ANO3: variants seen among roughly 807,000 people sequenced by gnomAD.
ANO3 encodes anoctamin-3.
In ANO3, 99 loss-of-function variants were observed where a neutral mutation model predicts 144.8. That is an observed-to-expected ratio of 0.68 (90% CI 0.58 to 0.81). ANO3 has a LOEUF of 0.81. ANO3 is among the 30% of genes least tolerant of loss of function. The pLI is 0.00. For missense variants in ANO3, 905 were observed against 1,202.2 expected (o/e 0.75, Z 3.66); for synonymous variants, 414 against 392.6 (o/e 1.05, Z -0.64).
intron 3 of ANO3, among the ~76,000 whole-genome samples, chr11:26,448,979 A>ATTTTTAT (rs1858814235): frequency 2.0e-5 from 3 of 152,202 alleles, no homozygotes; most frequent in African/African-American, 7.2e-5. Flanking sequence ...GAAAGCTTTA[A>ATTTTTAT]TAAAAGGAAG....
At chr11:26,397,529 T>A (rs1857046317) in intron 1 of ANO3, among the ~76,000 whole-genome samples, 1 of 152,118 alleles carries the variant, frequency 6.6e-6, no homozygotes, top group Non-Finnish European at 1.5e-5. Flanking sequence ...TTTGAAAGAA[T>A]GTCACAATAT....
rs1260568028 is a variant in ANO3 at position 26,371,686 on chromosome 11, A to G, written c.46+39365A>G. Among the ~76,000 whole-genome samples, 25 of 152,236 alleles carry G rather than the reference A, an allele frequency of 1.6e-4. 1 individual carries two copies. The highest frequency in any genetic ancestry group is 1.6e-3 in the Admixed American group (25 of 15,292). On this transcript the variant is annotated intron_variant, in intron 1 of 26. Transcript: ENST00000256737. ...CCTCTTGCATTAGCATGATGTGGAT[A>G]TGAGCCATGGAGTCAAAGGAGACTA...
chr11:26,322,697 T>C (rs1401221982), intron 1 of ANO3, among the ~76,000 whole-genome samples: 2 of 152,130 alleles, frequency 1.3e-5, no homozygotes, highest in Non-Finnish European at 2.9e-5. Flanking sequence ...ATTAGATTTA[T>C]GGCTGTTGAT....
intron 18 of ANO3, among the ~76,000 whole-genome samples, chr11:26,633,272 C>T (rs1277744226): frequency 6.6e-6 from 1 of 152,066 alleles, no homozygotes; most frequent in East Asian, 1.9e-4. Flanking sequence ...CATTATAAAA[C>T]CATAAGATGT....
At chr11:26,483,514 T>C (rs1395752764) in intron 4 of ANO3, among the ~76,000 whole-genome samples, 1 of 152,176 alleles carries the variant, frequency 6.6e-6, no homozygotes, top group Non-Finnish European at 1.5e-5. Flanking sequence ...CTCTTCCTCC[T>C]GCTCTGGCCA....
At chr11:26,377,111 A>G (rs1218274727) in intron 1 of ANO3, among the ~76,000 whole-genome samples, 1 of 152,108 alleles carries the variant, frequency 6.6e-6, no homozygotes, top group Non-Finnish European at 1.5e-5. Context: ...AGAAAACAAA[A>G]ATATCCTGGA....
chr11:26,235,782 C>A (rs1852508391), intron 1 of ANO3, among the ~76,000 whole-genome samples: 1 of 148,498 alleles, frequency 6.7e-6, no homozygotes, highest in Admixed American at 6.8e-5. Flanking sequence ...CCCCCCACAA[C>A]TACCACTCCT....
chr11:26,236,979 T>C (rs1268957491), intron 1 of ANO3, among the ~76,000 whole-genome samples: 2 of 152,126 alleles, frequency 1.3e-5, no homozygotes, highest in African/African-American at 4.8e-5. Context: ...CAGTTATCTG[T>C]AAGTTTCAAC....
chr11:26,550,691 T>A (rs1234000592), intron 12 of ANO3, among the ~76,000 whole-genome samples: 1 of 152,004 alleles, frequency 6.6e-6, no homozygotes, highest in Admixed American at 6.6e-5. Context: ...TTTGGATTGT[T>A]TCCAAATATT....
chr11:26,509,071 A>G (rs543723913), intron 5 of ANO3, among the ~76,000 whole-genome samples: 110 of 129,922 alleles, frequency 8.5e-4, no homozygotes, highest in Non-Finnish European at 1.5e-3. Context: ...ATATGTACGT[A>G]TACATATATA....
chr11:26,442,555 T>C (rs1858557547), intron 2 of ANO3, among the ~76,000 whole-genome samples: 2 of 152,206 alleles, frequency 1.3e-5, no homozygotes, highest in African/African-American at 4.8e-5. Context: ...GTTGGACAAG[T>C]GTTGGCAACC....
chr11:26,580,553 G>C (rs969410807), intron 14 of ANO3, among the ~76,000 whole-genome samples: 4 of 152,138 alleles, frequency 2.6e-5, no homozygotes, highest in African/African-American at 9.7e-5. Flanking sequence ...TACCACTCCT[G>C]AATAGAGAGC....
chr11:26,605,075 T>C (rs1009969828), intron 17 of ANO3, among the ~76,000 whole-genome samples: 18 of 152,282 alleles, frequency 1.2e-4, no homozygotes, highest in African/African-American at 4.3e-4. Context: ...TCTTATTATT[T>C]TGAGATATGT....
chr11:26,533,326 G>A (rs1483208932), intron 8 of ANO3, among the ~76,000 whole-genome samples: 1 of 152,060 alleles, frequency 6.6e-6, no homozygotes, highest in Admixed American at 6.6e-5. Context: ...AGAAAAAGAA[G>A]CATGGGATTT....
At chr11:26,549,671 T>C (rs1384001419) in intron 12 of ANO3, among the ~76,000 whole-genome samples, 1 of 151,930 alleles carries the variant, frequency 6.6e-6, no homozygotes. Context: ...CATGTATATA[T>C]TTACATGTAT....
At chr11:26,353,838 G>A (rs1855710103) in intron 1 of ANO3, among the ~76,000 whole-genome samples, 1 of 152,162 alleles carries the variant, frequency 6.6e-6, no homozygotes. Context: ...ACAGGGCTGG[G>A]ATTACAGGCA....
intron 1 of ANO3, among the ~76,000 whole-genome samples, chr11:26,382,611 A>C (rs1856619730): frequency 1.3e-5 from 2 of 152,284 alleles, no homozygotes; most frequent in African/African-American, 4.8e-5. Context: ...TCTACTGTGG[A>C]GTTAGTCATC....
At chr11:26,236,432 G>A (rs572310735) in intron 1 of ANO3, among the ~76,000 whole-genome samples, 2,251 of 151,996 alleles carry the variant, frequency 0.015, 45 homozygotes, top group East Asian at 0.12. Flanking sequence ...CCTCCAAACA[G>A]TTTGAAATAA....
chr11:26,426,370 GAAAA>G (rs1857920548), intron 1 of ANO3, among the ~76,000 whole-genome samples: 1 of 152,094 alleles, frequency 6.6e-6, no homozygotes, highest in Non-Finnish European at 1.5e-5. Flanking sequence ...ACGTAAGTGT[GAAAA>G]GATAAAACTT....
Sources: gnomAD v4.1 joint callset for allele counts (sites outside exome capture counted in the v4.1 genomes callset) on GRCh38, gnomAD v4.1.1 for gene constraint, MANE v1.5 for transcripts, NCBI Gene and HGNC (gene_info 2026-07-23, HGNC 2026-07-21) for gene names.